Variants in GIN1 observed in about 807,000 individuals in gnomAD.
GIN1 encodes the protein gypsy retrotransposon integrase 1, also known as gypsy retrotransposon integrase-like protein 1.
GIN1 carries 41 observed loss-of-function variants against 51.4 expected under a neutral mutation model. The observed-to-expected ratio is 0.80, with a 90% confidence interval of 0.62 to 1.04. The LOEUF is 1.04. Ranked by LOEUF, GIN1 falls within the 50% of genes least tolerant of loss-of-function variation. The pLI is 0.00. For missense variants in GIN1, 610 were observed against 612.4 expected (o/e 1.00, Z 0.04); for synonymous variants, 222 against 206.5 (o/e 1.07, Z -0.64).
At chr5:103,090,658 A>G (rs541634292) in intron 7 of GIN1, among the ~76,000 whole-genome samples, 1 of 152,142 alleles carries the variant, frequency 6.6e-6, no homozygotes, top group Non-Finnish European at 1.5e-5. Context: ...TGTCTGTAAA[A>G]GTTTTTTCAT....
intron 4 of GIN1, among the ~76,000 whole-genome samples, chr5:103,099,717 G>C (rs1787516162): frequency 6.6e-6 from 1 of 152,140 alleles, no homozygotes; most frequent in Admixed American, 6.5e-5. Context: ...TTAGTTTTCT[G>C]TAAGACATTT....
At chr5:103,095,363 G>A (rs2151464260) in intron 7 of GIN1, among the ~76,000 whole-genome samples, 1 of 152,208 alleles carries the variant, frequency 6.6e-6, no homozygotes, top group East Asian at 1.9e-4. Context: ...TGTTCAGAAT[G>A]AGTCAAATTT....
chr5:103,088,914 G>C (rs1410154871), intron 7 of GIN1, among the ~76,000 whole-genome samples: 2 of 152,156 alleles, frequency 1.3e-5, no homozygotes, highest in African/African-American at 4.8e-5. Flanking sequence ...TTAAATCCTT[G>C]CATTTACAAC....
At chr5:103,116,936 C>A (rs929605897) in intron 1 of GIN1, among the ~76,000 whole-genome samples, 3 of 152,028 alleles carry the variant, frequency 2.0e-5, no homozygotes, top group Non-Finnish European at 4.4e-5. Context: ...ACCAAGGATG[C>A]TCTTACTGGT....
At chr5:103,113,554 C>T (rs534140487) in intron 1 of GIN1, among the ~76,000 whole-genome samples, 2 of 148,274 alleles carry the variant, frequency 1.3e-5, no homozygotes, top group South Asian at 4.2e-4. Flanking sequence ...CAGAGTTGCG[C>T]TCTGTCGCCC....
At chr5:103,107,176 G>A (rs188441923) in intron 2 of GIN1, among the ~76,000 whole-genome samples, 197 of 152,058 alleles carry the variant, frequency 1.3e-3, no homozygotes, top group Non-Finnish European at 2.1e-3. Context: ...ACCAAAGCAC[G>A]TAATAAGTAC....
chr5:103,103,238 C>A (rs1262123448), intron 4 of GIN1, among the ~76,000 whole-genome samples: 1 of 152,206 alleles, frequency 6.6e-6, no homozygotes, highest in Non-Finnish European at 1.5e-5. Flanking sequence ...CTCTAGTGAG[C>A]TTCCTTATGT....
At chr5:103,098,544 C>T (rs1039125365) in intron 4 of GIN1, among the ~76,000 whole-genome samples, 30 of 152,064 alleles carry the variant, frequency 2.0e-4, no homozygotes, top group Admixed American at 1.6e-3. Flanking sequence ...GGGCAGCCTG[C>T]ACTACCTGGG....
chr5:103,094,489 A>C (rs1241297567), intron 7 of GIN1, among the ~76,000 whole-genome samples: 1 of 152,182 alleles, frequency 6.6e-6, no homozygotes, highest in Non-Finnish European at 1.5e-5. Flanking sequence ...CAAATATTAT[A>C]CTGCCTCTGT....
chr5:103,091,675 GT>G (rs1311854157), intron 7 of GIN1, among the ~76,000 whole-genome samples: 110 of 149,296 alleles, frequency 7.4e-4, no homozygotes, highest in Admixed American at 3.5e-3. Context: ...TCTAATGTAG[GT>G]TTTTTTTTTA....
At chr5:103,096,927 A>C (rs1425103167) in intron 6 of GIN1, 101 bp from the exon 7 acceptor site, 16 of 717,524 alleles carry the variant, frequency 2.2e-5, no homozygotes, top group Non-Finnish European at 3.2e-5. Flanking sequence ...GGTACTTGAG[A>C]TGCTACTAAA....
chr5:103,119,651 T>C (rs1788310324), intron 1 of GIN1, among the ~76,000 whole-genome samples: 1 of 152,182 alleles, frequency 6.6e-6, no homozygotes, highest in Non-Finnish European at 1.5e-5. Flanking sequence ...TCTGATTAAA[T>C]GACTGATCAA....
chr5:103,087,531 T>C lies in GIN1; in HGVS notation c.*367A>G, dbSNP rs1262112058. The C allele has an allele frequency of 2.5e-5, 4 of 156,948 alleles. No homozygotes were observed. Among genetic ancestry groups the C allele is most frequent in the African/African-American group, 9.6e-5 (4 of 41,652 alleles). 9.7% of individuals were successfully genotyped at this position (156,948 alleles called of 1,614,324 possible). ...TATTTATCAATTCCATTCAAGGTAG[T>C]TCAAACTTACTGTTTAAATGGTAGA... On this transcript the variant is annotated 3_prime_UTR_variant, in exon 8 of 8. Coordinates refer to ENST00000399004, the MANE Select transcript of GIN1 (RefSeq NM_017676.2).
chr5:103,108,527 G>A (rs1232656749), intron 2 of GIN1, 42 bp downstream of exon 2: 6 of 1,375,862 alleles, frequency 4.4e-6, no homozygotes, highest in Non-Finnish European at 6.1e-6. Context: ...ATGTGGGGAA[G>A]AATCTACAAC....
chr5:103,115,515 G>T (rs1788008913), intron 1 of GIN1, among the ~76,000 whole-genome samples: 1 of 152,076 alleles, frequency 6.6e-6, no homozygotes, highest in Non-Finnish European at 1.5e-5. Context: ...CATAGAACAG[G>T]GGGTGAGGAG....
intron 1 of GIN1, among the ~76,000 whole-genome samples, chr5:103,111,277 G>A (rs1787875228): frequency 6.6e-6 from 1 of 152,056 alleles, no homozygotes; most frequent in African/African-American, 2.4e-5. Flanking sequence ...CTAAGGGACA[G>A]AAACCTGTCC....
At position 103,115,610 on chromosome 5, in the gene GIN1, T is replaced by C. The variant is rs115128578; in HGVS notation, c.-8+4454A>G. On this transcript the variant is annotated intron_variant, in intron 1 of 7. Coordinates refer to ENST00000399004, the MANE Select transcript of GIN1 (RefSeq NM_017676.2). Reference sequence around the variant, plus strand: ...GAGTTCTTGGGATGGATGGTGGTAATAGTTGTAAAACAAATGTGAATGTAC... The same window carrying C: ...GAGTTCTTGGGATGGATGGTGGTAACAGTTGTAAAACAAATGTGAATGTAC... 2.3e-3 allele frequency among the ~76,000 whole-genome samples: 349 copies of C among 152,282 alleles called. 2 individuals carry two copies. Among genetic ancestry groups the C allele is most frequent in the Middle Eastern group, 3.4e-3 (1 of 294 alleles).
chr5:103,106,924 AC>A lies in GIN1; in HGVS notation c.140-16del. ...CAGCTTTTTTTCTGGAATAAATGAT[AC>A]CAAAAGATAGAATTGCAATTTTTAG... On this transcript the variant is annotated splice_polypyrimidine_tract_variant and intron_variant, in intron 2 of 7. Transcript: ENST00000399004. 7.0e-7 allele frequency: 1 copy of A among 1,422,020 alleles called. No homozygotes were observed. Among genetic ancestry groups the A allele is most frequent in the Non-Finnish European group, 9.6e-7 (1 of 1,046,726 alleles). 88.1% of individuals were successfully genotyped at this position (1,422,020 alleles called of 1,614,324 possible).
chr5:103,118,745 AGTT>A lies in GIN1; in HGVS notation c.-8+1316_-8+1318del, dbSNP rs545627072. Among the ~76,000 whole-genome samples the A allele has an allele frequency of 6.3e-3, 542 of 85,472 alleles. 1 individual carries two copies. Among genetic ancestry groups the A allele is most frequent in the African/African-American group, 0.018 (521 of 29,232 alleles). The allele number at this position is 85,472 out of a possible 152,430, so 56.1% of individuals were successfully genotyped here. Reference sequence around the variant, plus strand: ...CATATACAAAAGTAACGTAAATGAAAGTTGTTTTTTTTTTTTCAAAGCCCATAC... The same window carrying A: ...CATATACAAAAGTAACGTAAATGAAAGTTTTTTTTTTTTCAAAGCCCATAC... On this transcript the variant is annotated intron_variant, in intron 1 of 7. Coordinates refer to ENST00000399004, the MANE Select transcript of GIN1 (RefSeq NM_017676.2).
Sources: gnomAD v4.1 joint callset for allele counts (sites outside exome capture counted in the v4.1 genomes callset) on GRCh38, gnomAD v4.1.1 for gene constraint, MANE v1.5 for transcripts, NCBI Gene and HGNC (gene_info 2026-07-23, HGNC 2026-07-21) for gene names.